The following SORCS1 variants were observed in gnomAD, a reference collection of about 807,000 sequenced individuals.
SORCS1 encodes VPS10 domain-containing receptor SorCS1.
In SORCS1, 60 loss-of-function variants were observed where a neutral mutation model predicts 146.1. The observed-to-expected ratio is 0.41, with a 90% CI of 0.33 to 0.51. The LOEUF is 0.51. Ranked by LOEUF, SORCS1 falls within the 20% of genes least tolerant of loss-of-function variation. The pLI is 0.21. For synonymous variants in SORCS1, 637 were observed against 584.0 expected (o/e 1.09, Z -1.31); for missense variants, 1,352 against 1,487.6 (o/e 0.91, Z 1.50).
intron 4 of SORCS1, among the ~76,000 whole-genome samples, chr10:106,772,492 C>T (rs1431844759): frequency 6.6e-6 from 1 of 151,840 alleles, no homozygotes; most frequent in Non-Finnish European, 1.5e-5. Flanking sequence ...CTCTCTCTCC[C>T]CTCCTCTCTC....
intron 21 of SORCS1, among the ~76,000 whole-genome samples, chr10:106,617,349 T>G (rs2133464509): frequency 6.6e-6 from 1 of 152,234 alleles, no homozygotes; most frequent in African/African-American, 2.4e-5. Context: ...TTTCCACTTC[T>G]TATATTTCAA....
At chr10:106,822,514 G>A (rs1948088497) in intron 3 of SORCS1, among the ~76,000 whole-genome samples, 5 of 152,082 alleles carry the variant, frequency 3.3e-5, no homozygotes, top group Admixed American at 3.3e-4. Flanking sequence ...ATTACTGTTG[G>A]AAAATCACTC....
chr10:106,836,384 G>A (rs1948787175), intron 2 of SORCS1, among the ~76,000 whole-genome samples: 1 of 149,852 alleles, frequency 6.7e-6, no homozygotes, highest in Non-Finnish European at 1.5e-5. Flanking sequence ...TGAGGCAGGA[G>A]AATGGCGTGA....
In SORCS1 at chr10:107,107,604, C is replaced by T. The variant is rs1397272796; in HGVS notation, c.558+56365G>A. Among the ~76,000 whole-genome samples, 3 of 152,326 alleles carry T rather than the reference C, an allele frequency of 2.0e-5. No homozygotes were observed. In the East Asian group the frequency reaches 5.8e-4, roughly 29 times the overall value. On this transcript the variant is annotated intron_variant, in intron 1 of 25. Transcript: ENST00000263054. ...GGAATAAGAGCTCACCTAATTGTAT[C>T]TCCCACAGCAACAATAATTTTTCAG...
chr10:106,771,724 A>C (rs1056471649), intron 4 of SORCS1, among the ~76,000 whole-genome samples: 1 of 152,198 alleles, frequency 6.6e-6, no homozygotes, highest in Non-Finnish European at 1.5e-5. Context: ...CCCCCTGTCC[A>C]TTTGAAACAG....
chr10:106,788,291 C>A (rs987978469), intron 3 of SORCS1, among the ~76,000 whole-genome samples: 3 of 152,096 alleles, frequency 2.0e-5, no homozygotes, highest in Non-Finnish European at 2.9e-5. Context: ...CTGCCCTGGG[C>A]CCCTCCCAAA....
chr10:106,733,871 A>G (rs1589762942), intron 5 of SORCS1, among the ~76,000 whole-genome samples: 1 of 152,288 alleles, frequency 6.6e-6, no homozygotes, highest in East Asian at 1.9e-4. Context: ...TCACTGTCAT[A>G]GTTCATAATG....
intron 1 of SORCS1, among the ~76,000 whole-genome samples, chr10:107,088,404 A>G (rs910120480): frequency 2.6e-5 from 4 of 152,158 alleles, no homozygotes; most frequent in Non-Finnish European, 4.4e-5. Flanking sequence ...ACTGCATCTG[A>G]AGGCAGGCCC....
chr10:106,726,464 T>C (rs191519496), intron 6 of SORCS1, among the ~76,000 whole-genome samples: 228 of 150,162 alleles, frequency 1.5e-3, no homozygotes, highest in African/African-American at 5.1e-3. Flanking sequence ...TTTGGCATTA[T>C]CAACCGCCAT....
At chr10:107,115,418 T>C (rs1049663002) in intron 1 of SORCS1, among the ~76,000 whole-genome samples, 1 of 151,974 alleles carries the variant, frequency 6.6e-6, no homozygotes, top group African/African-American at 2.4e-5. Context: ...TACTAACCAA[T>C]GGAACAAAAT....
chr10:107,135,264 T>C (rs1167138003), intron 1 of SORCS1, among the ~76,000 whole-genome samples: 3 of 152,362 alleles, frequency 2.0e-5, no homozygotes, highest in African/African-American at 4.8e-5. Flanking sequence ...TATTGAAATA[T>C]GAAGTCCAGA....
At chr10:107,098,308 T>G (rs1245083074) in intron 1 of SORCS1, among the ~76,000 whole-genome samples, 1 of 152,196 alleles carries the variant, frequency 6.6e-6, no homozygotes, top group Non-Finnish European at 1.5e-5. Context: ...TTCCCAAACA[T>G]CTAGCACATC....
intron 1 of SORCS1, among the ~76,000 whole-genome samples, chr10:106,977,064 AT>A (rs1229410833): frequency 6.6e-6 from 1 of 152,204 alleles, no homozygotes; most frequent in Admixed American, 6.5e-5. Flanking sequence ...CAGTAACAAG[AT>A]TGCTGGGCCA....
intron 1 of SORCS1, among the ~76,000 whole-genome samples, chr10:107,014,629 G>A (rs1957823587): frequency 6.6e-6 from 1 of 152,144 alleles, no homozygotes; most frequent in African/African-American, 2.4e-5. Context: ...CTGGGAATCT[G>A]TTAGAAATGC....
intron 1 of SORCS1, among the ~76,000 whole-genome samples, chr10:107,068,117 A>T (rs1274338755): frequency 2.0e-5 from 3 of 152,134 alleles, no homozygotes; most frequent in African/African-American, 7.2e-5. Flanking sequence ...AGGCATGCGA[A>T]TTGCTTTCAG....
At chr10:106,901,091 A>G (rs1337776307) in intron 2 of SORCS1, among the ~76,000 whole-genome samples, 1 of 152,182 alleles carries the variant, frequency 6.6e-6, no homozygotes, top group Non-Finnish European at 1.5e-5. Context: ...ATTATAGCCC[A>G]GCACCTAAAA....
Position 106,750,807 on chromosome 10 carries a change from C to A in SORCS1, c.959+10781G>T, listed in dbSNP as rs1230663042. 2.4e-3 allele frequency among the ~76,000 whole-genome samples: 315 copies of A among 130,114 alleles called. 1 individual carries two copies. Among genetic ancestry groups the A allele is most frequent in the African/African-American group, 8.5e-3 (296 of 34,682 alleles). The allele number at this position is 130,114 out of a possible 152,430, so 85.4% of individuals were successfully genotyped here. The stretch of plus-strand genomic sequence containing the variant: ...GGGCGCTGTGGCTCATGCCTGTAAT[C>A]CCAGCACTTTGGGAGGCCGAGGCGG... On this transcript the variant is annotated intron_variant, in intron 5 of 25. Transcript: ENST00000263054.
At chr10:106,896,103 A>G (rs1951463970) in intron 2 of SORCS1, among the ~76,000 whole-genome samples, 1 of 152,188 alleles carries the variant, frequency 6.6e-6, no homozygotes, top group Admixed American at 6.5e-5. Context: ...TTCTACTTAC[A>G]TGAGGTATCT....
At chr10:106,870,046 C>T (rs1423549412) in intron 2 of SORCS1, among the ~76,000 whole-genome samples, 1 of 152,030 alleles carries the variant, frequency 6.6e-6, no homozygotes, top group Non-Finnish European at 1.5e-5. Context: ...TATACACTAA[C>T]AACAACCAAG....
Sources: gnomAD v4.1 joint callset for allele counts (sites outside exome capture counted in the v4.1 genomes callset) on GRCh38, gnomAD v4.1.1 for gene constraint, MANE v1.5 for transcripts, NCBI Gene and HGNC (gene_info 2026-07-23, HGNC 2026-07-21) for gene names.